IPPK: variants seen among roughly 807,000 people sequenced by gnomAD.
IPPK encodes IPK1 homolog.
In IPPK, 22 loss-of-function variants were observed where a neutral mutation model predicts 64.6. The ratio of observed to expected loss-of-function variants is 0.34; its 90% CI spans 0.24 to 0.49. The LOEUF is 0.49. IPPK is among the 20% of genes least tolerant of loss of function. The pLI is 0.99. For synonymous variants in IPPK, 262 were observed against 247.2 expected, an observed-to-expected ratio of 1.06 and a Z score of -0.56; for missense variants, 532 against 630.7, an observed-to-expected ratio of 0.84 and a Z score of 1.68.
intron 4 of IPPK, 53 bp from the exon 5 acceptor site, chr9:92,649,627 T>A (rs1017642271): frequency 6.2e-6 from 10 of 1,605,646 alleles, no homozygotes; most frequent in African/African-American, 1.3e-5. Context: ...AGAGATGAGA[T>A]GATCCCTGCC....
intron 12 of IPPK, chr9:92,618,150 A>C: frequency 2.3e-6 from 1 of 441,944 alleles, no homozygotes; most frequent in Non-Finnish European, 4.6e-6. Flanking sequence ...GCCCAGCCCC[A>C]CACGCCATGT....
At chr9:92,629,686 T>A in intron 11 of IPPK, among the ~76,000 whole-genome samples, 1 of 141,362 alleles carries the variant, frequency 7.1e-6, no homozygotes, top group Admixed American at 7.5e-5. Flanking sequence ...TCAGCCTGGG[T>A]GACAGAGAGA....
At position 92,668,496 on chromosome 9, in the gene IPPK, C is replaced by T. The variant is rs1379661127; in HGVS notation, c.81+1412G>A. Among the ~76,000 whole-genome samples the T allele has an allele frequency of 4.0e-5, 6 of 151,216 alleles. No individual in the cohort carries two copies. The Middle Eastern group carries it at 0.014, about 345-fold the overall frequency. ...AAACTTGCTGCTTCATCTGCCACTA[C>T]TTTTGAAATTTAATGTATCAGCCCT... On this transcript the variant is annotated intron_variant, in intron 1 of 12. Transcript: ENST00000287996.
chr9:92,639,869 C>A (rs770690103), intron 8 of IPPK, among the ~76,000 whole-genome samples: 1 of 151,762 alleles, frequency 6.6e-6, no homozygotes, highest in African/African-American at 2.4e-5. Context: ...TAACCAAGAC[C>A]TGGGGAGGCA....
chr9:92,619,801 C>CA (rs1199968492), intron 11 of IPPK: 1 of 547,338 alleles, frequency 1.8e-6, no homozygotes, highest in African/African-American at 1.9e-5. Flanking sequence ...CCTGACCTCT[C>CA]ACGGCAAGCA....
Position 92,614,019 on chromosome 9 carries a change from G to A in IPPK, c.*1813C>T, listed in dbSNP as rs1025152008. The A allele has an allele frequency of 6.6e-6, 1 of 152,314 alleles. No homozygotes were observed. The highest frequency in any genetic ancestry group is 2.4e-5 in the African/African-American group (1 of 41,458). The allele number at this position is 152,314 out of a possible 1,614,324, so 9.4% of individuals were successfully genotyped here. On this transcript the variant is annotated 3_prime_UTR_variant, in exon 13 of 13. Coordinates refer to ENST00000287996, the MANE Select transcript of IPPK (RefSeq NM_022755.6). ...CGGCTCAGGGGCTCCTCACAGCCCGGGCTGGTGGGAGCCAAGACCAGACAG... is the reference window on the plus strand; with the variant it reads ...CGGCTCAGGGGCTCCTCACAGCCCGAGCTGGTGGGAGCCAAGACCAGACAG...
chr9:92,632,825 C>G (rs576631569), intron 11 of IPPK, among the ~76,000 whole-genome samples: 5 of 152,208 alleles, frequency 3.3e-5, no homozygotes, highest in Non-Finnish European at 7.3e-5. Flanking sequence ...ACTGAGGGCT[C>G]TCTCCCAAAT....
intron 8 of IPPK, among the ~76,000 whole-genome samples, chr9:92,640,348 T>A (rs1329626448): frequency 1.6e-5 from 2 of 124,980 alleles, no homozygotes; most frequent in African/African-American, 6.1e-5. Context: ...GCAGGCCAGG[T>A]CACACCAGCC....
intron 9 of IPPK, among the ~76,000 whole-genome samples, chr9:92,636,253 T>C (rs930999886): frequency 6.6e-6 from 1 of 152,178 alleles, no homozygotes; most frequent in African/African-American, 2.4e-5. Context: ...AATGCCAACA[T>C]GCAGGGAAAC....
At position 92,635,412 on chromosome 9, in the gene IPPK, TA is replaced by T. The variant is rs1851923209; in HGVS notation, c.917-105del. On this transcript the variant is annotated intron_variant, in intron 9 of 12. Transcript: ENST00000287996. This position sits in a 1 kb window ranked among gnomAD's most constrained non-coding sequence, Gnocchi z 4.4. ...GCAGGGCTCATCCTGGGCTCCGCCATACGGGCATCACCACAGGCAAGGACTG... is the reference window on the plus strand; with the variant it reads ...GCAGGGCTCATCCTGGGCTCCGCCATCGGGCATCACCACAGGCAAGGACTG... The T allele has an allele frequency of 3.2e-6, 4 of 1,248,740 alleles. No individual in the cohort carries two copies. The highest frequency in any genetic ancestry group is 1.1e-6 in the Non-Finnish European group (1 of 900,198). 77.4% of individuals were successfully genotyped at this position (1,248,740 alleles called of 1,614,324 possible). A position where few individuals can be genotyped will look rare whatever the true frequency, so the allele number is the denominator to read the frequency against.
chr9:92,668,688 C>T (rs2131469086), intron 1 of IPPK, among the ~76,000 whole-genome samples: 1 of 152,334 alleles, frequency 6.6e-6, no homozygotes, highest in South Asian at 2.1e-4. Context: ...CAATAGTGGA[C>T]TACACAAGAG....
chr9:92,654,833 C>A (rs1852338921), intron 3 of IPPK, among the ~76,000 whole-genome samples: 1 of 152,218 alleles, frequency 6.6e-6, no homozygotes. Flanking sequence ...CTCATGTCCC[C>A]AGCCTGAAAA....
intron 8 of IPPK, 90 bp from the exon 9 acceptor site, chr9:92,638,370 G>A (rs957144860): frequency 1.0e-5 from 15 of 1,465,052 alleles, no homozygotes; most frequent in Middle Eastern, 1.8e-4. Flanking sequence ...CCCAGGCAGC[G>A]GGTGAAAGCC....
chr9:92,617,111 A>C (rs1851466017), intron 12 of IPPK: 1 of 152,180 alleles, frequency 6.6e-6, no homozygotes, highest in Non-Finnish European at 1.5e-5. Flanking sequence ...TGAAGAGTAA[A>C]CAGCAAATAA....
At chr9:92,644,981 T>A (rs1038268339) in intron 6 of IPPK, among the ~76,000 whole-genome samples, 14 of 152,252 alleles carry the variant, frequency 9.2e-5, no homozygotes, top group Middle Eastern at 3.4e-3. Context: ...TCAACTATTT[T>A]AAATATGCTT....
At chr9:92,634,221 C>A (rs374209943) in intron 11 of IPPK, among the ~76,000 whole-genome samples, 165 bp downstream of exon 11, 52 of 152,366 alleles carry the variant, frequency 3.4e-4, no homozygotes, top group African/African-American at 1.2e-3. Flanking sequence ...CCACCACCTG[C>A]CCCAGTTCAT....
At chr9:92,629,105 A>G (rs1011970306) in intron 11 of IPPK, among the ~76,000 whole-genome samples, 7 of 152,084 alleles carry the variant, frequency 4.6e-5, no homozygotes, top group South Asian at 2.1e-4. Flanking sequence ...AAAAAAAAGA[A>G]TGATGTCGGA....
In IPPK at chr9:92,613,261, T is replaced by C; in HGVS notation, c.*2571A>G. On this transcript the variant is annotated 3_prime_UTR_variant, in exon 13 of 13. Coordinates refer to ENST00000287996, the MANE Select transcript of IPPK (RefSeq NM_022755.6). ...TAGAAACCACACCCTGAAGACGTGCTGTCTATGCAGTTATGGCACATTATA... is the reference window on the plus strand; with the variant it reads ...TAGAAACCACACCCTGAAGACGTGCCGTCTATGCAGTTATGGCACATTATA... The C allele has an allele frequency of 7.8e-7, 1 of 1,275,726 alleles. No homozygotes were observed. Among genetic ancestry groups the C allele is most frequent in the Non-Finnish European group, 1.1e-6 (1 of 891,236 alleles). The allele number at this position is 1,275,726 out of a possible 1,614,324, so 79.0% of individuals were successfully genotyped here.
At chr9:92,616,136 C>T (rs1445461283) in intron 12 of IPPK, 79 bp from the exon 13 acceptor site, 12 of 924,336 alleles carry the variant, frequency 1.3e-5, no homozygotes, top group Non-Finnish European at 1.5e-5. Context: ...TCCCTTTCTT[C>T]TTTCAACTAG....
Sources: allele counts gnomAD v4.1 joint callset (sites outside exome capture counted in the v4.1 genomes callset), GRCh38; gene constraint gnomAD v4.1.1; non-coding constraint Gnocchi (gnomAD v3.1); transcripts MANE v1.5; gene names NCBI Gene and HGNC (gene_info 2026-07-23, HGNC 2026-07-21).